The following RBFOX1 variants were observed in gnomAD, a reference collection of about 807,000 sequenced individuals.
RBFOX1 encodes the protein RNA binding protein fox-1 homolog 1.
RBFOX1 carries 8 observed loss-of-function variants against 57.7 expected under a neutral mutation model. That is an observed-to-expected ratio of 0.14 (90% CI 0.08 to 0.25). The LOEUF (loss-of-function observed/expected upper bound fraction) is 0.25, where lower values mean the gene tolerates loss of function less well. RBFOX1 is among the 10% of genes least tolerant of loss of function. The pLI is 1.00. For synonymous variants in RBFOX1, 326 were observed against 222.4 expected (o/e 1.47, Z -4.15); for missense variants, 611 against 548.5 (o/e 1.11, Z -1.14).
intron 3 of RBFOX1, among the ~76,000 whole-genome samples, chr16:5,739,392 G>A (rs1049377617): frequency 6.6e-6 from 1 of 152,194 alleles, no homozygotes; most frequent in Non-Finnish European, 1.5e-5. Flanking sequence ...ACAAGAATCT[G>A]TGCCATTGTG....
intron 3 of RBFOX1, among the ~76,000 whole-genome samples, chr16:6,739,505 G>A (rs1048729909): frequency 1.8e-4 from 22 of 121,918 alleles, no homozygotes; most frequent in Admixed American, 7.6e-4. Context: ...GGGAATCTCC[G>A]GTCTAAATGG....
At chr16:5,949,475 G>A (rs904574843) in intron 4 of RBFOX1, among the ~76,000 whole-genome samples, 1 of 139,946 alleles carries the variant, frequency 7.1e-6, no homozygotes, top group African/African-American at 2.7e-5. Flanking sequence ...GCAGTGAGTC[G>A]AGATCACGCC....
chr16:6,969,778 C>T (rs950594542), intron 3 of RBFOX1, among the ~76,000 whole-genome samples: 1 of 151,916 alleles, frequency 6.6e-6, no homozygotes, highest in Non-Finnish European at 1.5e-5. Flanking sequence ...ATCTTAATTG[C>T]TGAGCTCTCT....
chr16:6,089,751 G>A (rs573354904), intron 1 of RBFOX1, among the ~76,000 whole-genome samples: 1 of 152,118 alleles, frequency 6.6e-6, no homozygotes, highest in Non-Finnish European at 1.5e-5. Context: ...TGAAAGATTG[G>A]CCAATATTAG....
intron 3 of RBFOX1, among the ~76,000 whole-genome samples, chr16:5,615,504 A>T (rs1187704064): frequency 6.6e-6 from 1 of 152,208 alleles, no homozygotes; most frequent in Non-Finnish European, 1.5e-5. Flanking sequence ...CCCCATAGAC[A>T]TGAGGACAGG....
intron 14 of RBFOX1, among the ~76,000 whole-genome samples, chr16:7,687,864 A>G (rs1029835254): frequency 2.0e-5 from 3 of 152,026 alleles, no homozygotes; most frequent in African/African-American, 4.8e-5. Context: ...ATACAGTGAG[A>G]TGAGTTCTCC....
chr16:5,286,504 C>G (rs2151162112), intron 1 of RBFOX1, among the ~76,000 whole-genome samples: 1 of 152,270 alleles, frequency 6.6e-6, no homozygotes, highest in East Asian at 1.9e-4. Context: ...CTATGCATTT[C>G]TAGATAAAAG....
At chr16:7,081,178 G>A (rs139634949) in intron 4 of RBFOX1, among the ~76,000 whole-genome samples, 6 of 152,274 alleles carry the variant, frequency 3.9e-5, no homozygotes, top group Non-Finnish European at 8.8e-5. Flanking sequence ...GAGATTACAG[G>A]TGCACACCAC....
chr16:6,685,306 C>A (rs1306437201), intron 3 of RBFOX1, among the ~76,000 whole-genome samples: 1 of 124,738 alleles, frequency 8.0e-6, no homozygotes, highest in Non-Finnish European at 1.6e-5. Context: ...GATGGAGTCT[C>A]ACCCTGTTGC....
At chr16:6,666,291 T>TG (rs781083889) in intron 3 of RBFOX1, among the ~76,000 whole-genome samples, 3 of 152,154 alleles carry the variant, frequency 2.0e-5, no homozygotes, top group Non-Finnish European at 4.4e-5. Flanking sequence ...CCCAGCACTT[T>TG]GGGAGGCTTA....
chr16:7,207,615 C>T (rs990277744), intron 4 of RBFOX1, among the ~76,000 whole-genome samples: 4 of 152,216 alleles, frequency 2.6e-5, no homozygotes, highest in Admixed American at 6.5e-5. Flanking sequence ...CAAAACAGTG[C>T]TCCTTGCTGA....
chr16:7,587,390 C>T, intron 7 of RBFOX1, 90 bp downstream of exon 7: 1 of 1,266,764 alleles, frequency 7.9e-7, no homozygotes, highest in Non-Finnish European at 1.0e-6. Context: ...TCTTAATCAG[C>T]TCATTGTGAA....
intron 1 of RBFOX1, among the ~76,000 whole-genome samples, chr16:5,395,394 G>C (rs1042696086): frequency 6.6e-5 from 10 of 152,346 alleles, no homozygotes; most frequent in African/African-American, 2.2e-4. Context: ...CTCCTAGAGA[G>C]GCCAGTGATG....
At chr16:5,446,550 C>T (rs2068244977) in intron 1 of RBFOX1, among the ~76,000 whole-genome samples, 1 of 152,072 alleles carries the variant, frequency 6.6e-6, no homozygotes, top group Non-Finnish European at 1.5e-5. Flanking sequence ...TGTCCTCTTC[C>T]TCCTCCTCCT....
chr16:5,424,729 A>G (rs1597003668), intron 1 of RBFOX1, among the ~76,000 whole-genome samples: 1 of 151,968 alleles, frequency 6.6e-6, no homozygotes, highest in South Asian at 2.1e-4. Context: ...TACATGGGTC[A>G]GTTGAATATT....
intron 2 of RBFOX1, among the ~76,000 whole-genome samples, chr16:6,501,065 C>A (rs547546478): frequency 1.3e-5 from 2 of 151,070 alleles, no homozygotes; most frequent in Non-Finnish European, 2.9e-5. Context: ...TGCCCCTGGA[C>A]CCTATCCTGC....
At chr16:6,025,012 G>A (rs2095160521) in intron 1 of RBFOX1, among the ~76,000 whole-genome samples, 1 of 152,208 alleles carries the variant, frequency 6.6e-6, no homozygotes, top group Non-Finnish European at 1.5e-5. Context: ...ACAGTTGAAG[G>A]TTGGTCCTAT....
At chr16:7,362,867 T>C (rs1449728037) in intron 4 of RBFOX1, among the ~76,000 whole-genome samples, 1 of 152,202 alleles carries the variant, frequency 6.6e-6, no homozygotes, top group Non-Finnish European at 1.5e-5. Context: ...ATGTACCAGT[T>C]AAGAGTCCAG....
At chr16:6,671,215 G>T (rs1175686003) in intron 3 of RBFOX1, among the ~76,000 whole-genome samples, 2 of 152,136 alleles carry the variant, frequency 1.3e-5, no homozygotes, top group Non-Finnish European at 2.9e-5. Context: ...CAAAATATTG[G>T]CAACAACCTA....
Sources: gnomAD v4.1 joint callset for allele counts (sites outside exome capture counted in the v4.1 genomes callset) on GRCh38, gnomAD v4.1.1 for gene constraint, MANE v1.5 for transcripts, NCBI Gene and HGNC (gene_info 2026-07-23, HGNC 2026-07-21) for gene names.